VAV3: variants seen among roughly 807,000 people sequenced by gnomAD.
VAV3 encodes the protein guanine nucleotide exchange factor VAV3.
VAV3 carries 94 observed loss-of-function variants against 131.2 expected under a neutral mutation model. The observed-to-expected ratio is 0.72, with a 90% CI of 0.61 to 0.85. VAV3 has a LOEUF of 0.85. VAV3 is among the 40% of genes least tolerant of loss of function. The pLI is 0.00. For synonymous variants in VAV3, 349 were observed against 342.0 expected, an observed-to-expected ratio of 1.02 and a Z score of -0.22; for missense variants, 939 against 1,002.7, an observed-to-expected ratio of 0.94 and a Z score of 0.86.
At chr1:107,628,738 T>A (rs1654225866) in intron 20 of VAV3, among the ~76,000 whole-genome samples, 1 of 152,194 alleles carries the variant, frequency 6.6e-6, no homozygotes, top group African/African-American at 2.4e-5. Flanking sequence ...AATGGTCTAA[T>A]ATATAGAACT....
At chr1:107,803,808 T>A (rs1256463036) in intron 2 of VAV3, among the ~76,000 whole-genome samples, 1 of 152,090 alleles carries the variant, frequency 6.6e-6, no homozygotes, top group Non-Finnish European at 1.5e-5. Flanking sequence ...CTTTGTTGAT[T>A]TTTTTATCTA....
intron 2 of VAV3, among the ~76,000 whole-genome samples, chr1:107,852,234 C>A (rs1411346447): frequency 1.3e-5 from 2 of 152,062 alleles, no homozygotes; most frequent in African/African-American, 4.8e-5. Flanking sequence ...TTTTTAGTTT[C>A]CCTGTTCCTC....
chr1:107,642,596 C>A (rs745730755), intron 20 of VAV3, 23 bp downstream of exon 20: 7 of 1,610,446 alleles, frequency 4.3e-6, no homozygotes, highest in East Asian at 4.5e-5. Flanking sequence ...TGCATCAGGA[C>A]CCCTTTCCTG....
intron 17 of VAV3, among the ~76,000 whole-genome samples, chr1:107,691,072 T>C (rs770255842): frequency 2.0e-5 from 3 of 152,172 alleles, no homozygotes; most frequent in Non-Finnish European, 4.4e-5. Context: ...CAGGCTCCTG[T>C]ATTTATGCTT....
chr1:107,876,266 G>C (rs951570697), intron 1 of VAV3, among the ~76,000 whole-genome samples: 1 of 152,080 alleles, frequency 6.6e-6, no homozygotes, highest in East Asian at 1.9e-4. Context: ...TGAAAGTCAC[G>C]GGTACCTTGA....
At chr1:107,829,298 T>C (rs1668145259) in intron 2 of VAV3, among the ~76,000 whole-genome samples, 1 of 152,150 alleles carries the variant, frequency 6.6e-6, no homozygotes, top group Non-Finnish European at 1.5e-5. Flanking sequence ...GTCAAACAAT[T>C]GTCCCTCAAC....
At chr1:107,689,772 C>T (rs1230043603) in intron 17 of VAV3, among the ~76,000 whole-genome samples, 4 of 152,138 alleles carry the variant, frequency 2.6e-5, no homozygotes, top group African/African-American at 7.2e-5. Context: ...AAACACATAA[C>T]GTTTCAGAAG....
At chr1:107,936,931 G>C (rs989449551) in intron 1 of VAV3, among the ~76,000 whole-genome samples, 2 of 152,086 alleles carry the variant, frequency 1.3e-5, no homozygotes, top group African/African-American at 4.8e-5. Flanking sequence ...ACATCTGAGA[G>C]GGCACCCCTT....
chr1:107,617,714 T>C (rs888450462), intron 20 of VAV3, 82 bp from the exon 21 acceptor site: 35 of 1,215,644 alleles, frequency 2.9e-5, no homozygotes, highest in Non-Finnish European at 4.1e-5. Context: ...CATAGCACTG[T>C]TACTTAGGAT....
chr1:107,717,362 C>G (rs1661171191), intron 15 of VAV3, among the ~76,000 whole-genome samples: 1 of 152,182 alleles, frequency 6.6e-6, no homozygotes, highest in African/African-American at 2.4e-5. Flanking sequence ...CCTGCTTTCT[C>G]TTGTGAGCAT....
intron 21 of VAV3, among the ~76,000 whole-genome samples, chr1:107,615,452 G>A (rs1446292587): frequency 6.6e-6 from 1 of 152,104 alleles, no homozygotes; most frequent in Non-Finnish European, 1.5e-5. Context: ...AAATCAGCTC[G>A]AGATGGATTG....
chr1:107,656,588 T>C (rs929122371), intron 19 of VAV3, among the ~76,000 whole-genome samples: 7 of 152,054 alleles, frequency 4.6e-5, no homozygotes, highest in African/African-American at 1.7e-4. Context: ...TATTTCAAAA[T>C]AGCCAGGAAA....
In VAV3 at chr1:107,670,704, A is replaced by G. The variant is rs188679745; in HGVS notation, c.1777+12784T>C. Among the ~76,000 whole-genome samples, 391 of 152,346 alleles carry G rather than the reference A, an allele frequency of 2.6e-3. 1 individual carries two copies. The highest frequency in any genetic ancestry group is 3.5e-3 in the Admixed American group (54 of 15,300). On this transcript the variant is annotated intron_variant, in intron 19 of 26. Transcript: ENST00000370056. ...AATGAGATGCCACAAATGTTGACTT[A>G]GTCCCAAATAGGGATTTTTTTTCCT...
chr1:107,590,045 T>A (rs948097331), intron 25 of VAV3, among the ~76,000 whole-genome samples: 1 of 152,148 alleles, frequency 6.6e-6, no homozygotes, highest in Non-Finnish European at 1.5e-5. Flanking sequence ...AATAGAATAA[T>A]GGGGACAGTG....
chr1:107,746,679 G>A (rs1420684828), intron 15 of VAV3, among the ~76,000 whole-genome samples: 4 of 152,072 alleles, frequency 2.6e-5, no homozygotes, highest in African/African-American at 9.7e-5. Context: ...CGGCAGGTGC[G>A]GCCACATGAC....
At chr1:107,846,535 G>C (rs1373944231) in intron 2 of VAV3, among the ~76,000 whole-genome samples, 1 of 152,106 alleles carries the variant, frequency 6.6e-6, no homozygotes, top group Non-Finnish European at 1.5e-5. Context: ...CACATGCAAA[G>C]ACACACATAG....
At chr1:107,589,462 G>C (rs1304647364) in intron 25 of VAV3, among the ~76,000 whole-genome samples, 1 of 152,168 alleles carries the variant, frequency 6.6e-6, no homozygotes, top group African/African-American at 2.4e-5. Context: ...GAAACTGGGA[G>C]AGGGGCATGG....
intron 21 of VAV3, among the ~76,000 whole-genome samples, chr1:107,616,082 C>T (rs1451595154): frequency 6.6e-6 from 1 of 152,114 alleles, no homozygotes; most frequent in Non-Finnish European, 1.5e-5. Flanking sequence ...CCTTTTGAGC[C>T]AGCAATCCCA....
chr1:107,835,782 A>G (rs1286003120), intron 2 of VAV3, among the ~76,000 whole-genome samples: 1 of 152,246 alleles, frequency 6.6e-6, no homozygotes, highest in East Asian at 1.9e-4. Flanking sequence ...CTGCCCAAAG[A>G]TCCCCCACCC....
Sources: allele counts gnomAD v4.1 joint callset (sites outside exome capture counted in the v4.1 genomes callset), GRCh38; gene constraint gnomAD v4.1.1; transcripts MANE v1.5; gene names NCBI Gene and HGNC (gene_info 2026-07-23, HGNC 2026-07-21).